The following AP3B1 variants were observed in gnomAD, a reference collection of about 807,000 sequenced individuals.
AP3B1 encodes the protein adaptor related protein complex 3 subunit beta 1.
AP3B1 carries 61 observed loss-of-function variants against 132.5 expected under a neutral mutation model. That is an observed-to-expected ratio of 0.46 (90% confidence interval 0.37 to 0.57). AP3B1 has a LOEUF of 0.57. AP3B1 is among the 20% of genes least tolerant of loss of function. The pLI is 0.00. For synonymous variants in AP3B1, 388 were observed against 438.3 expected, an observed-to-expected ratio of 0.89 and a Z score of 1.43; for missense variants, 1,120 against 1,289.4, an observed-to-expected ratio of 0.87 and a Z score of 2.01.
intron 22 of AP3B1, among the ~76,000 whole-genome samples, chr5:78,068,370 G>GAGAAGA (rs1749383267): frequency 6.6e-6 from 1 of 150,542 alleles, no homozygotes; most frequent in Non-Finnish European, 1.5e-5. Context: ...GAAGGAGAAG[G>GAGAAGA]AGAAGGAGAA....
At chr5:78,048,711 G>T (rs893491226) in intron 22 of AP3B1, among the ~76,000 whole-genome samples, 2 of 152,178 alleles carry the variant, frequency 1.3e-5, no homozygotes, top group Non-Finnish European at 2.9e-5. Flanking sequence ...GAGCTGGATG[G>T]TTCTTGATGC....
intron 21 of AP3B1, among the ~76,000 whole-genome samples, chr5:78,099,181 G>C (rs899950209): frequency 1.3e-5 from 2 of 152,194 alleles, no homozygotes; most frequent in Admixed American, 1.3e-4. Context: ...CTGGCACCTT[G>C]ATCTTGGACT....
chr5:78,241,444 G>C (rs1253669276), intron 2 of AP3B1, among the ~76,000 whole-genome samples: 1 of 152,020 alleles, frequency 6.6e-6, no homozygotes, highest in Non-Finnish European at 1.5e-5. Flanking sequence ...AAATATTTTT[G>C]CTATTTTCTA....
At chr5:78,012,394 T>C (rs1372290775) in intron 26 of AP3B1, among the ~76,000 whole-genome samples, 1 of 152,146 alleles carries the variant, frequency 6.6e-6, no homozygotes, top group Non-Finnish European at 1.5e-5. Flanking sequence ...TAATTGCTAT[T>C]AGCAAAAAGA....
chr5:78,230,148 C>A (rs1365992834), intron 3 of AP3B1, among the ~76,000 whole-genome samples: 6 of 152,132 alleles, frequency 3.9e-5, no homozygotes, highest in Admixed American at 1.3e-4. Context: ...GTACTGCTGA[C>A]CAAATCAAAA....
At chr5:78,178,066 G>C (rs890333986) in intron 8 of AP3B1, among the ~76,000 whole-genome samples, 3 of 152,144 alleles carry the variant, frequency 2.0e-5, no homozygotes, top group Non-Finnish European at 2.9e-5. Flanking sequence ...CTAGTACGTG[G>C]CAAAGCTCAA....
At chr5:78,181,364 C>T (rs547752153) in intron 8 of AP3B1, 143 bp downstream of exon 8, 1 of 756,112 alleles carries the variant, frequency 1.3e-6, no homozygotes, top group South Asian at 1.7e-5. Flanking sequence ...CACTGTACTT[C>T]CAACTATCCA....
chr5:78,071,693 G>A (rs1306136159), intron 22 of AP3B1, among the ~76,000 whole-genome samples: 4 of 152,166 alleles, frequency 2.6e-5, no homozygotes, highest in Non-Finnish European at 5.9e-5. Flanking sequence ...CACATTTGAT[G>A]AGCACCTATT....
intron 20 of AP3B1, among the ~76,000 whole-genome samples, chr5:78,103,251 C>T (rs903102275): frequency 1.3e-5 from 2 of 152,140 alleles, no homozygotes. Flanking sequence ...TCTATTCCAT[C>T]AAACATTTCT....
intron 2 of AP3B1, among the ~76,000 whole-genome samples, chr5:78,247,552 T>C (rs370009270): frequency 2.2e-4 from 34 of 151,878 alleles, no homozygotes; most frequent in Middle Eastern, 6.8e-3. Flanking sequence ...GTTAGACACA[T>C]GTAAGATTAT....
chr5:78,230,859 T>C (rs1318697817), intron 3 of AP3B1, among the ~76,000 whole-genome samples: 1 of 152,182 alleles, frequency 6.6e-6, no homozygotes, highest in African/African-American at 2.4e-5. Context: ...GGCTCACACC[T>C]GTAATCCCAG....
intron 7 of AP3B1, among the ~76,000 whole-genome samples, chr5:78,208,989 G>A (rs551919460): frequency 6.6e-6 from 1 of 151,938 alleles, no homozygotes; most frequent in Non-Finnish European, 1.5e-5. Flanking sequence ...ATAGAAGAAT[G>A]ACAAATTCTC....
chr5:78,101,809 A>C (rs890244364), intron 20 of AP3B1, among the ~76,000 whole-genome samples: 2 of 152,108 alleles, frequency 1.3e-5, no homozygotes, highest in Non-Finnish European at 2.9e-5. Flanking sequence ...TTTAAAAAGA[A>C]AACAGTATTA....
chr5:78,007,515 C>T (rs1481573319), intron 26 of AP3B1, among the ~76,000 whole-genome samples: 1 of 151,916 alleles, frequency 6.6e-6, no homozygotes, highest in Admixed American at 6.6e-5. Flanking sequence ...GTAAGAAAGA[C>T]GATCACAAGA....
intron 2 of AP3B1, among the ~76,000 whole-genome samples, chr5:78,251,971 T>C (rs993727523): frequency 6.6e-6 from 1 of 152,154 alleles, no homozygotes; most frequent in Non-Finnish European, 1.5e-5. Context: ...GGACTTTGTC[T>C]TGCATCTTGG....
intron 14 of AP3B1, among the ~76,000 whole-genome samples, chr5:78,148,384 G>T (rs995979148): frequency 6.6e-6 from 1 of 152,096 alleles, no homozygotes; most frequent in African/African-American, 2.4e-5. Flanking sequence ...CTGTAAACAA[G>T]GTATTAACTA....
intron 19 of AP3B1, 57 bp downstream of exon 19, chr5:78,113,695 C>A: frequency 6.3e-7 from 1 of 1,593,856 alleles, no homozygotes; most frequent in Non-Finnish European, 8.6e-7. Context: ...AACATCTCTG[C>A]CTGGGGCAAA....
At chr5:78,157,606 G>A (rs1561445979) in intron 13 of AP3B1, among the ~76,000 whole-genome samples, 1 of 152,142 alleles carries the variant, frequency 6.6e-6, no homozygotes, top group East Asian at 1.9e-4. Context: ...TAATGCTAAT[G>A]ATGCCAAAGA....
At position 78,113,665 on chromosome 5, in the gene AP3B1, C is replaced by T. The variant is rs1431484445; in HGVS notation, c.2249+87G>A. On this transcript the variant is annotated intron_variant, in intron 19 of 26. Transcript: ENST00000255194. The stretch of plus-strand genomic sequence containing the variant: ...AAAAATACACACTTTTTTTCTCTCA[C>T]CATTTTTTGATTAATAAGAAACATC... 3.4e-6 allele frequency: 5 copies of T among 1,466,154 alleles called. No homozygotes were observed. In the Admixed American group the frequency reaches 5.2e-5, roughly 15 times the overall value. 90.8% of individuals were successfully genotyped at this position (1,466,154 alleles called of 1,614,324 possible).
Sources: gnomAD v4.1 joint callset for allele counts (sites outside exome capture counted in the v4.1 genomes callset) on GRCh38, gnomAD v4.1.1 for gene constraint, MANE v1.5 for transcripts, NCBI Gene and HGNC (gene_info 2026-07-23, HGNC 2026-07-21) for gene names.